TCF7L2: variants seen among roughly 807,000 people sequenced by gnomAD.
The protein encoded by TCF7L2 is transcription factor 7 like 2.
A neutral mutation model predicts 77.9 loss-of-function variants in TCF7L2; 23 were observed. The ratio of observed to expected loss-of-function variants is 0.30; its 90% CI spans 0.21 to 0.42. The LOEUF (loss-of-function observed/expected upper bound fraction) is 0.42, where lower values mean the gene tolerates loss of function less well. Ranked by LOEUF, TCF7L2 falls within the 10% of genes least tolerant of loss-of-function variation. The pLI is 1.00. For synonymous variants in TCF7L2, 413 were observed against 340.2 expected, an observed-to-expected ratio of 1.21 and a Z score of -2.36; for missense variants, 654 against 793.1, an observed-to-expected ratio of 0.82 and a Z score of 2.11.
At chr10:112,990,835 GGTTTTGA>G (rs1352604705) in intron 4 of TCF7L2, among the ~76,000 whole-genome samples, 7 of 152,276 alleles carry the variant, frequency 4.6e-5, no homozygotes, top group African/African-American at 1.7e-4. Context: ...CATCTCAATG[GGTTTTGA>G]GTGCCAAGAC....
At chr10:113,101,031 C>T (rs1240309798) in intron 5 of TCF7L2, among the ~76,000 whole-genome samples, 3 of 151,856 alleles carry the variant, frequency 2.0e-5, no homozygotes, top group African/African-American at 7.3e-5. Context: ...GCTGAGATCG[C>T]GCCATTGCAC....
chr10:113,146,508 C>T (rs1456864853), intron 8 of TCF7L2, among the ~76,000 whole-genome samples: 2 of 151,972 alleles, frequency 1.3e-5, no homozygotes, highest in Non-Finnish European at 2.9e-5. Context: ...TGCAAGTCAA[C>T]AAGAAAGCAT....
intron 4 of TCF7L2, among the ~76,000 whole-genome samples, chr10:113,030,314 G>C (rs118046020): frequency 1.3e-5 from 2 of 152,050 alleles, no homozygotes; most frequent in Non-Finnish European, 2.9e-5. Context: ...TCCAGCTATC[G>C]GTTGAGACTT....
At chr10:113,082,597 T>TTG (rs61608659) in intron 5 of TCF7L2, among the ~76,000 whole-genome samples, 4,773 of 149,946 alleles carry the variant, frequency 0.032, 124 homozygotes, top group African/African-American at 0.073. Context: ...TTCATTCTGC[T>TTG]TGTGTGTGTG....
At chr10:113,110,368 G>GTT (rs1564907731) in intron 5 of TCF7L2, among the ~76,000 whole-genome samples, 1 of 97,228 alleles carries the variant, frequency 1.0e-5, no homozygotes, top group Non-Finnish European at 2.1e-5. Context: ...TGTCTACTGG[G>GTT]GTTTTTTTTT....
intron 5 of TCF7L2, among the ~76,000 whole-genome samples, chr10:113,128,177 T>C: frequency 6.6e-6 from 1 of 152,106 alleles, no homozygotes; most frequent in East Asian, 1.9e-4. Context: ...GTAAAGGGAA[T>C]GGCAGGGTTT....
chr10:113,156,709 G>A (rs150060498), intron 11 of TCF7L2, among the ~76,000 whole-genome samples: 208 of 152,318 alleles, frequency 1.4e-3, no homozygotes, highest in African/African-American at 4.2e-3. Context: ...ACTCCATGCA[G>A]TTCATCCCCT....
intron 5 of TCF7L2, among the ~76,000 whole-genome samples, chr10:113,134,667 G>C (rs560561042): frequency 6.6e-6 from 1 of 152,302 alleles, no homozygotes; most frequent in Non-Finnish European, 1.5e-5. Context: ...GGTTGCCATT[G>C]GTCTTGCTGC....
chr10:113,089,299 T>A (rs1027160325), intron 5 of TCF7L2: 1 of 1,314,354 alleles, frequency 7.6e-7, no homozygotes. Flanking sequence ...TATAGAAATG[T>A]GGGTTAGGGC....
intron 5 of TCF7L2, among the ~76,000 whole-genome samples, chr10:113,047,921 T>C (rs1036432902): frequency 6.6e-6 from 1 of 152,190 alleles, no homozygotes; most frequent in African/African-American, 2.4e-5. Flanking sequence ...GGCTAGCGTT[T>C]CCTGACATTT....
chr10:113,069,974 T>C (rs539740501), intron 5 of TCF7L2, among the ~76,000 whole-genome samples: 1 of 151,918 alleles, frequency 6.6e-6, no homozygotes, highest in East Asian at 1.9e-4. Flanking sequence ...AAAAAATTAT[T>C]GGGCCGGGCA....
At chr10:113,075,111 C>T (rs1167814385) in intron 5 of TCF7L2, among the ~76,000 whole-genome samples, 4 of 152,190 alleles carry the variant, frequency 2.6e-5, no homozygotes, top group Admixed American at 2.0e-4. Context: ...ACCTTAGTCT[C>T]CCAAAGCATG....
chr10:113,004,093 T>C (rs2133406950), intron 4 of TCF7L2, among the ~76,000 whole-genome samples: 1 of 152,336 alleles, frequency 6.6e-6, no homozygotes, highest in East Asian at 1.9e-4. Context: ...TTAGTTTGGC[T>C]TTAATGACTG....
chr10:113,125,322 C>T (rs1261725082), intron 5 of TCF7L2, among the ~76,000 whole-genome samples: 1 of 147,906 alleles, frequency 6.8e-6, no homozygotes, highest in East Asian at 1.9e-4. Context: ...ATGCCGTCTG[C>T]ATTTTTTTTT....
At chr10:112,954,284 G>T (rs572711018) in intron 3 of TCF7L2, among the ~76,000 whole-genome samples, 6 of 152,212 alleles carry the variant, frequency 3.9e-5, no homozygotes, top group African/African-American at 1.4e-4. Flanking sequence ...TACATTTTCT[G>T]TTACTTATGG....
At chr10:113,160,069 T>C in intron 12 of TCF7L2, 77 bp downstream of exon 14, 1 of 1,322,554 alleles carries the variant, frequency 7.6e-7, no homozygotes, top group South Asian at 1.2e-5. Context: ...TCTGGCCTGT[T>C]GCTTTGTAGC....
intron 5 of TCF7L2, among the ~76,000 whole-genome samples, chr10:113,082,112 A>G (rs187168351): frequency 4.4e-4 from 65 of 147,444 alleles, no homozygotes; most frequent in African/African-American, 1.6e-3. Context: ...TGCTGGGATT[A>G]TAGGTGTGAG....
intron 4 of TCF7L2, among the ~76,000 whole-genome samples, chr10:113,029,991 A>G (rs2134042743): frequency 1.3e-5 from 2 of 152,284 alleles, no homozygotes; most frequent in Non-Finnish European, 2.9e-5. Context: ...TATTTAGTAT[A>G]TTTACAAGAT....
chr10:113,125,091 C>T (rs1299065620), intron 5 of TCF7L2, among the ~76,000 whole-genome samples: 1 of 152,062 alleles, frequency 6.6e-6, no homozygotes, highest in Non-Finnish European at 1.5e-5. Context: ...AAGAGCTGAG[C>T]TGATGAAGGT....
Sources: gnomAD v4.1 joint callset for allele counts (sites outside exome capture counted in the v4.1 genomes callset) on GRCh38, gnomAD v4.1.1 for gene constraint, MANE v1.5 for transcripts, NCBI Gene and HGNC (gene_info 2026-07-23, HGNC 2026-07-21) for gene names.